The following RBFOX1 variants were observed in gnomAD, a reference collection of about 807,000 sequenced individuals.
RBFOX1 encodes RNA binding fox-1 homolog 1.
Under a neutral mutation model 57.7 loss-of-function variants are expected in RBFOX1, and 8 were observed. The observed-to-expected ratio is 0.14, with a 90% CI of 0.08 to 0.25. RBFOX1 has a LOEUF of 0.25. Ranked by LOEUF, RBFOX1 falls within the 10% of genes least tolerant of loss-of-function variation. RBFOX1 has a pLI of 1.00. For synonymous variants in RBFOX1, 326 were observed against 222.4 expected, an observed-to-expected ratio of 1.47 and a Z score of -4.15; for missense variants, 611 against 548.5, an observed-to-expected ratio of 1.11 and a Z score of -1.14.
intron 1 of RBFOX1, among the ~76,000 whole-genome samples, chr16:6,252,414 G>A (rs2097623214): frequency 6.6e-6 from 1 of 152,100 alleles, no homozygotes; most frequent in African/African-American, 2.4e-5. Flanking sequence ...AAACAAAAAA[G>A]AAGAAAAAGC....
chr16:6,339,294 T>C (rs2153797), intron 2 of RBFOX1, among the ~76,000 whole-genome samples: 95,341 of 152,008 alleles, frequency 0.63, 31,856 homozygotes, highest in African/African-American at 0.87. Context: ...GAGTCAATCA[T>C]CTTGAACTTG....
chr16:5,450,211 C>G (rs1182525889), intron 1 of RBFOX1, among the ~76,000 whole-genome samples: 1 of 152,206 alleles, frequency 6.6e-6, no homozygotes, highest in Admixed American at 6.5e-5. Context: ...GGCATTGCAC[C>G]TTCAATTCTG....
intron 3 of RBFOX1, among the ~76,000 whole-genome samples, chr16:5,702,829 C>G (rs1485648496): frequency 6.6e-6 from 1 of 152,138 alleles, no homozygotes; most frequent in African/African-American, 2.4e-5. Context: ...TTAGTAAATG[C>G]TCATGTTTTT....
At chr16:6,714,053 G>T (rs113753844) in intron 3 of RBFOX1, among the ~76,000 whole-genome samples, 3 of 152,188 alleles carry the variant, frequency 2.0e-5, no homozygotes, top group Non-Finnish European at 4.4e-5. Flanking sequence ...ATTGGATTGT[G>T]GGGGTGGTTT....
chr16:6,987,148 G>A (rs182658720), intron 3 of RBFOX1, among the ~76,000 whole-genome samples: 1 of 152,064 alleles, frequency 6.6e-6, no homozygotes, highest in Non-Finnish European at 1.5e-5. Context: ...TGGGAGCTCA[G>A]TCAGAGAGCA....
intron 3 of RBFOX1, among the ~76,000 whole-genome samples, chr16:5,745,404 T>A (rs745554892): frequency 2.6e-5 from 4 of 152,184 alleles, no homozygotes; most frequent in African/African-American, 7.2e-5. Context: ...AATAAACATA[T>A]GTGTGCATGT....
intron 7 of RBFOX1, among the ~76,000 whole-genome samples, chr16:7,590,885 G>A (rs1361556318): frequency 7.3e-6 from 1 of 137,580 alleles, no homozygotes; most frequent in Non-Finnish European, 1.6e-5. Flanking sequence ...AAAAAAAAAA[G>A]CTACACTTTG....
chr16:5,270,953 A>G (rs1246410900), intron 1 of RBFOX1: 6 of 377,550 alleles, frequency 1.6e-5, no homozygotes, highest in African/African-American at 4.5e-5. Flanking sequence ...GAATCTGTTT[A>G]AAGTTCAGAC....
chr16:7,150,639 C>G (rs1189302587), intron 4 of RBFOX1, among the ~76,000 whole-genome samples: 2 of 152,190 alleles, frequency 1.3e-5, no homozygotes, highest in Non-Finnish European at 2.9e-5. Flanking sequence ...TTTACGACTG[C>G]TGTCTCCTCC....
chr16:7,177,129 G>A (rs2081833417), intron 4 of RBFOX1, among the ~76,000 whole-genome samples: 1 of 152,202 alleles, frequency 6.6e-6, no homozygotes, highest in African/African-American at 2.4e-5. Context: ...ACTGTGCAAA[G>A]AACACGACAC....
At chr16:5,982,515 A>T (rs544692986) in intron 4 of RBFOX1, among the ~76,000 whole-genome samples, 2 of 152,180 alleles carry the variant, frequency 1.3e-5, no homozygotes, top group South Asian at 4.2e-4. Context: ...ACCTCAGGTG[A>T]TCCGCCTTCC....
At chr16:5,566,830 G>A (rs1265858526) in intron 2 of RBFOX1, among the ~76,000 whole-genome samples, 2 of 151,984 alleles carry the variant, frequency 1.3e-5, no homozygotes, top group African/African-American at 2.4e-5. Context: ...ACACCGCATC[G>A]ACTCACTCCC....
At chr16:6,936,537 G>C (rs546583051) in intron 3 of RBFOX1, among the ~76,000 whole-genome samples, 1 of 152,038 alleles carries the variant, frequency 6.6e-6, no homozygotes, top group Non-Finnish European at 1.5e-5. Context: ...CTCTGGGGAG[G>C]ATATTAAGGG....
chr16:5,256,453 C>G (rs1403977487), intron 1 of RBFOX1, among the ~76,000 whole-genome samples: 3 of 152,176 alleles, frequency 2.0e-5, no homozygotes, highest in Admixed American at 2.0e-4. Context: ...GTCTCCTCTT[C>G]TGGAAAGTGG....
chr16:6,003,500 G>C (rs1430381905), intron 4 of RBFOX1, among the ~76,000 whole-genome samples: 1 of 140,662 alleles, frequency 7.1e-6, no homozygotes, highest in African/African-American at 2.6e-5. Flanking sequence ...CATTGTTTGA[G>C]ACCTAGGCAC....
intron 3 of RBFOX1, among the ~76,000 whole-genome samples, chr16:6,685,751 C>T (rs756262233): frequency 6.6e-6 from 1 of 152,076 alleles, no homozygotes; most frequent in African/African-American, 2.4e-5. Flanking sequence ...TTGGTGTCTG[C>T]CCCTATCCTT....
intron 2 of RBFOX1, among the ~76,000 whole-genome samples, chr16:5,553,681 GTATATACACATATA>G (rs1567223504): frequency 1.6e-5 from 1 of 62,464 alleles, no homozygotes; most frequent in Non-Finnish European, 3.7e-5. Context: ...ATATATGTGT[GTATATACACATATA>G]TATGTATATA....
intron 3 of RBFOX1, among the ~76,000 whole-genome samples, chr16:6,878,239 C>T (rs746084944): frequency 6.6e-6 from 1 of 152,194 alleles, no homozygotes; most frequent in Non-Finnish European, 1.5e-5. Context: ...TTCTTCCCTG[C>T]TGAGCACTGC....
chr16:5,548,175 ATATATATATATAT>A (rs1424017653), intron 2 of RBFOX1, among the ~76,000 whole-genome samples: 3 of 28,272 alleles, frequency 1.1e-4, no homozygotes, highest in African/African-American at 2.3e-4. Context: ...AAAAAAAAAA[ATATATATATATAT>A]ATATATATAT....
Sources: gnomAD v4.1 joint callset for allele counts (sites outside exome capture counted in the v4.1 genomes callset) on GRCh38, gnomAD v4.1.1 for gene constraint, MANE v1.5 for transcripts, NCBI Gene and HGNC (gene_info 2026-07-23, HGNC 2026-07-21) for gene names.